MAP3K20: variants seen among roughly 807,000 people sequenced by gnomAD.
MAP3K20 encodes the protein mitogen-activated protein kinase kinase kinase 20.
MAP3K20 carries 40 observed loss-of-function variants against 85.7 expected under a neutral mutation model. That is an observed-to-expected ratio of 0.47 (90% CI 0.36 to 0.61). The LOEUF is 0.61. MAP3K20 is among the 20% of genes least tolerant of loss of function. The pLI is 0.00. For synonymous variants in MAP3K20, 325 were observed against 327.7 expected (o/e 0.99, Z 0.09); for missense variants, 817 against 961.7 (o/e 0.85, Z 1.99).
intron 2 of MAP3K20, among the ~76,000 whole-genome samples, chr2:173,112,422 C>T (rs551001829): frequency 8.5e-5 from 13 of 152,118 alleles, no homozygotes; most frequent in South Asian, 2.1e-4. Context: ...CTGATTGATC[C>T]GGCTAGGACT....
chr2:173,085,644 A>T (rs1341205006), intron 1 of MAP3K20, among the ~76,000 whole-genome samples: 2 of 152,108 alleles, frequency 1.3e-5, no homozygotes, highest in African/African-American at 2.4e-5. Flanking sequence ...TTTCTGCTCT[A>T]ACTTACCCTT....
chr2:173,266,467 G>GAGGA lies in MAP3K20; in HGVS notation c.2123_2126dup (p.Tyr710LysfsTer21). 5 of 1,614,138 alleles carry GAGGA rather than the reference G, an allele frequency of 3.1e-6. No homozygotes were observed. Among genetic ancestry groups the GAGGA allele is most frequent in the Non-Finnish European group, 4.2e-6 (5 of 1,180,032 alleles). On this transcript the variant is annotated frameshift_variant, in exon 20 of 20. Coordinates refer to ENST00000375213, the MANE Select transcript of MAP3K20 (RefSeq NM_016653.3). LOFTEE classifies it low-confidence loss of function (END_TRUNC). ...AAGAGTCAGCATTCCACTCCTTCAA[G>GAGGA]AGGAAGATACCCTGGAAAGTTCTAC...
rs11893271 is a variant in MAP3K20 at position 173,226,900 on chromosome 2, A to G, written c.988-2789A>G. 182 of 984,922 alleles carry G rather than the reference A, an allele frequency of 1.8e-4. No homozygotes were observed. The African/African-American group carries it at 2.0e-3, about 11-fold the overall frequency. The allele number at this position is 984,922 out of a possible 1,614,324, so 61.0% of individuals were successfully genotyped here. On this transcript the variant is annotated intron_variant, in intron 11 of 19. Transcript: ENST00000375213. ...ACTTTTTCTCAATTATTCTATTGCA[A>G]TGTTATTCTGAGCAAGTCCTATGCC...
chr2:173,264,780 G>A (rs1394579759), intron 19 of MAP3K20, among the ~76,000 whole-genome samples: 4 of 152,046 alleles, frequency 2.6e-5, no homozygotes, highest in African/African-American at 4.8e-5. Flanking sequence ...CTCATGTGAC[G>A]TATGTAAAGT....
At chr2:173,145,330 A>G (rs1027887783) in intron 2 of MAP3K20, among the ~76,000 whole-genome samples, 50 of 152,206 alleles carry the variant, frequency 3.3e-4, no homozygotes, top group African/African-American at 7.5e-4. Context: ...TTGAAAAACA[A>G]AGATGCAATC....
intron 2 of MAP3K20, among the ~76,000 whole-genome samples, chr2:173,106,464 C>T (rs754535216): frequency 6.6e-6 from 1 of 152,102 alleles, no homozygotes; most frequent in Non-Finnish European, 1.5e-5. Flanking sequence ...AGAATTGGTG[C>T]TGGAATGATT....
chr2:173,126,339 G>T (rs1343898880), intron 2 of MAP3K20, among the ~76,000 whole-genome samples: 1 of 151,970 alleles, frequency 6.6e-6, no homozygotes, highest in Non-Finnish European at 1.5e-5. Flanking sequence ...TGGTTTCAAG[G>T]TAACAAAGTA....
At chr2:173,239,582 C>CT in intron 16 of MAP3K20, 86 bp downstream of exon 16, 1 of 1,174,036 alleles carries the variant, frequency 8.5e-7, no homozygotes, top group Non-Finnish European at 1.2e-6. Flanking sequence ...TATACACCCC[C>CT]TACCAGCTGG....
At chr2:173,090,492 TTG>T (rs1235246731) in intron 1 of MAP3K20, 4 of 381,496 alleles carry the variant, frequency 1.0e-5, no homozygotes, top group African/African-American at 2.2e-5. Flanking sequence ...TCAACGTTTA[TTG>T]TGTGTTCAGT....
At chr2:173,262,755 G>C (rs1685326666) in intron 18 of MAP3K20, among the ~76,000 whole-genome samples, 1 of 152,194 alleles carries the variant, frequency 6.6e-6, no homozygotes, top group African/African-American at 2.4e-5. Context: ...TATATTACTT[G>C]TCAAAGCATT....
At chr2:173,207,908 TCCA>T (rs1683743338) in intron 9 of MAP3K20, among the ~76,000 whole-genome samples, 1 of 152,144 alleles carries the variant, frequency 6.6e-6, no homozygotes, top group African/African-American at 2.4e-5. Context: ...ATAACCTCTA[TCCA>T]AGAGTAGGTT....
At chr2:173,177,119 T>C (rs1291924285) in intron 3 of MAP3K20, among the ~76,000 whole-genome samples, 1 of 152,196 alleles carries the variant, frequency 6.6e-6, no homozygotes, top group African/African-American at 2.4e-5. Flanking sequence ...CCACTCTCAA[T>C]AATTGATAGA....
At chr2:173,171,875 A>G (rs1436224601) in intron 3 of MAP3K20, among the ~76,000 whole-genome samples, 1 of 152,208 alleles carries the variant, frequency 6.6e-6, no homozygotes, top group Non-Finnish European at 1.5e-5. Context: ...AGTAGATTGT[A>G]TATTTATAGC....
At chr2:173,174,149 T>A (rs774958869) in intron 3 of MAP3K20, among the ~76,000 whole-genome samples, 2 of 152,200 alleles carry the variant, frequency 1.3e-5, no homozygotes, top group Non-Finnish European at 2.9e-5. Flanking sequence ...GAAATAAAGG[T>A]AATAATATTG....
intron 2 of MAP3K20, among the ~76,000 whole-genome samples, chr2:173,138,423 GA>G (rs1397596682): frequency 6.6e-5 from 10 of 152,204 alleles, no homozygotes. Flanking sequence ...ATATGGGGAA[GA>G]TTTGAAAGAT....
intron 7 of MAP3K20, among the ~76,000 whole-genome samples, chr2:173,191,784 T>C (rs918505520): frequency 1.3e-5 from 2 of 152,040 alleles, no homozygotes; most frequent in Non-Finnish European, 2.9e-5. Flanking sequence ...CAGAGCCACA[T>C]AGAGAATAGA....
intron 16 of MAP3K20, among the ~76,000 whole-genome samples, chr2:173,247,734 G>A (rs1440921457): frequency 6.6e-6 from 1 of 152,208 alleles, no homozygotes; most frequent in Non-Finnish European, 1.5e-5. Flanking sequence ...TAAGAGGGCA[G>A]GAGGAAACTT....
chr2:173,218,076 G>A (rs1684129166), intron 11 of MAP3K20, among the ~76,000 whole-genome samples: 1 of 152,024 alleles, frequency 6.6e-6, no homozygotes, highest in Admixed American at 6.6e-5. Context: ...CCCAAGTAAT[G>A]GTAGATTAAA....
chr2:173,136,724 C>A (rs1688810152), intron 2 of MAP3K20, among the ~76,000 whole-genome samples: 1 of 152,216 alleles, frequency 6.6e-6, no homozygotes, highest in Non-Finnish European at 1.5e-5. Context: ...TGAACACTCA[C>A]AATCAAAGGA....
Sources: allele counts gnomAD v4.1 joint callset (sites outside exome capture counted in the v4.1 genomes callset), GRCh38; gene constraint gnomAD v4.1.1; transcripts MANE v1.5; gene names NCBI Gene and HGNC (gene_info 2026-07-23, HGNC 2026-07-21).